Variants in MYT1L observed in about 807,000 individuals in gnomAD.
The protein encoded by MYT1L is myelin transcription factor 1-like protein.
In MYT1L, 12 loss-of-function variants were observed where a neutral mutation model predicts 126.7. That is an observed-to-expected ratio of 0.09 (90% confidence interval 0.06 to 0.15). The LOEUF (loss-of-function observed/expected upper bound fraction) is 0.15. Among genes scored for constraint, MYT1L ranks in the 10% least tolerant of loss-of-function variants. The pLI is 1.00. For missense variants in MYT1L, 979 were observed against 1,585.2 expected (o/e 0.62, Z 6.49); for synonymous variants, 541 against 604.2 (o/e 0.90, Z 1.53).
chr2:2,017,799 G>C (rs2064590399), intron 4 of MYT1L, among the ~76,000 whole-genome samples: 1 of 152,072 alleles, frequency 6.6e-6, no homozygotes, highest in Non-Finnish European at 1.5e-5. Flanking sequence ...TGTGTTCACT[G>C]TCTTCCTGTA....
In MYT1L at chr2:1,979,255, G is replaced by A. The variant is rs2060414157; in HGVS notation, c.90-28C>T. 2.5e-6 allele frequency: 4 copies of A among 1,604,612 alleles called. No individual in the cohort carries two copies. Among genetic ancestry groups the A allele is most frequent in the Non-Finnish European group, 2.6e-6 (3 of 1,172,316 alleles). ...GCAACAGGAAAGAATGGATTACACGGTGCCGCAGGCAGGCAGGTGAGACGG... is the reference window on the plus strand; with the variant it reads ...GCAACAGGAAAGAATGGATTACACGATGCCGCAGGCAGGCAGGTGAGACGG... On this transcript the variant is annotated intron_variant, in intron 7 of 24. Transcript: ENST00000647738. This position sits in a 1 kb window ranked among gnomAD's most constrained non-coding sequence, Gnocchi z 4.0.
chr2:2,033,767 T>C (rs1258731024), intron 4 of MYT1L, among the ~76,000 whole-genome samples: 2 of 152,138 alleles, frequency 1.3e-5, no homozygotes, highest in Non-Finnish European at 2.9e-5. Flanking sequence ...TTCAGACATG[T>C]TTGAAGGACA....
chr2:2,011,947 C>T (rs1319747659), intron 4 of MYT1L, among the ~76,000 whole-genome samples: 1 of 152,178 alleles, frequency 6.6e-6, no homozygotes, highest in African/African-American at 2.4e-5. Flanking sequence ...GGTGCTAGAC[C>T]ACCAAGGGAA....
In MYT1L at chr2:1,972,041, AC is replaced by A. The variant is rs1203960459; in HGVS notation, c.152+7123del. ...ACAAGGACGGGCGTGCATAAAGCTT[AC>A]GGGGAGGGTGTGGGGGTGAGGCGTA... On this transcript the variant is annotated intron_variant, in intron 8 of 24. Coordinates refer to ENST00000647738, the MANE Select transcript of MYT1L (RefSeq NM_001303052.2). Among the ~76,000 whole-genome samples the A allele has an allele frequency of 3.3e-5, 5 of 152,270 alleles. No individual in the cohort carries two copies. The East Asian group carries it at 9.7e-4, about 29-fold the overall frequency.
chr2:2,025,297 GAACA>G (rs575659532), intron 4 of MYT1L, among the ~76,000 whole-genome samples: 86 of 152,240 alleles, frequency 5.6e-4, no homozygotes, highest in African/African-American at 1.9e-3. Flanking sequence ...GTGAGTCCCT[GAACA>G]AACAGTTACA....
chr2:2,299,306 TC>T (rs1470465005), intron 1 of MYT1L, among the ~76,000 whole-genome samples: 1 of 152,206 alleles, frequency 6.6e-6, no homozygotes, highest in Non-Finnish European at 1.5e-5. Context: ...TGTGCCATGA[TC>T]TCCTCCTGGT....
rs2094735700 is a variant in MYT1L at position 2,253,994 on chromosome 2, T to C, written c.-421+30410A>G. Reference sequence around the variant, plus strand: ...AAATATACATAAAGACACACATATATGCACCCCCAGCACACTATGTATAAA... The same window carrying C: ...AAATATACATAAAGACACACATATACGCACCCCCAGCACACTATGTATAAA... On this transcript the variant is annotated intron_variant, in intron 2 of 24. Coordinates refer to ENST00000647738, the MANE Select transcript of MYT1L (RefSeq NM_001303052.2). Among the ~76,000 whole-genome samples the C allele has an allele frequency of 3.9e-5, 6 of 152,256 alleles. No individual in the cohort carries two copies. In the South Asian group the frequency reaches 1.2e-3, roughly 32 times the overall value.
intron 3 of MYT1L, among the ~76,000 whole-genome samples, chr2:2,094,352 A>G (rs1383161884): frequency 6.6e-6 from 1 of 152,236 alleles, no homozygotes; most frequent in Non-Finnish European, 1.5e-5. Flanking sequence ...ATTGTGGAAG[A>G]CAGTGTGGCA....
chr2:2,202,413 G>C (rs1223112377), intron 2 of MYT1L, among the ~76,000 whole-genome samples: 4 of 152,098 alleles, frequency 2.6e-5, no homozygotes, highest in African/African-American at 9.7e-5. Flanking sequence ...GAACCAAATA[G>C]ATGCAATAGA....
intron 3 of MYT1L, among the ~76,000 whole-genome samples, chr2:2,106,412 G>T (rs1476992417): frequency 6.6e-6 from 1 of 152,140 alleles, no homozygotes; most frequent in Non-Finnish European, 1.5e-5. Flanking sequence ...GAGGTCAGGA[G>T]TTCAAGATCA....
intron 19 of MYT1L, among the ~76,000 whole-genome samples, chr2:1,847,070 G>T (rs960452988): frequency 5.9e-5 from 9 of 152,208 alleles, no homozygotes; most frequent in African/African-American, 2.2e-4. Flanking sequence ...GACACTGTCT[G>T]GCCGTTTGAC....
At chr2:2,143,486 A>C (rs1179294936) in intron 3 of MYT1L, among the ~76,000 whole-genome samples, 1 of 152,094 alleles carries the variant, frequency 6.6e-6, no homozygotes, top group Non-Finnish European at 1.5e-5. Context: ...TTGGAAGCCA[A>C]CGTTTATCTT....
rs147173563 is a variant in MYT1L at position 1,892,847 on chromosome 2, G to A, written c.2033-560C>T. On this transcript the variant is annotated intron_variant, in intron 14 of 24. Transcript: ENST00000647738. ...CACCTTCTGGGCCTGTGGGGACCAC[G>A]TGCTTTGGGAGGTGGATTTCTGGCT... Among the ~76,000 whole-genome samples the A allele has an allele frequency of 3.0e-3, 462 of 152,368 alleles. 3 individuals carry two copies. The highest frequency in any genetic ancestry group is 5.6e-3 in the Non-Finnish European group (381 of 68,038).
intron 2 of MYT1L, among the ~76,000 whole-genome samples, chr2:2,251,367 T>A (rs368274677): frequency 6.6e-6 from 1 of 152,184 alleles, no homozygotes; most frequent in East Asian, 1.9e-4. Context: ...CTCCTGCCCT[T>A]GCAAGTGGTA....
chr2:1,914,655 C>T (rs1212383191), intron 11 of MYT1L, among the ~76,000 whole-genome samples: 1 of 152,214 alleles, frequency 6.6e-6, no homozygotes, highest in African/African-American at 2.4e-5. Flanking sequence ...CCAAATGTGG[C>T]CCTGCTGCTC....
chr2:2,004,702 T>TGTGCCTTTCCTGC (rs1342261967), intron 4 of MYT1L, among the ~76,000 whole-genome samples: 2 of 116,246 alleles, frequency 1.7e-5, no homozygotes, highest in Non-Finnish European at 3.5e-5. Flanking sequence ...TTCTTTCCTG[T>TGTGCCTTTCCTGC]GTGCCTTTCC....
chr2:1,956,392 T>TTCTGTCTG lies in MYT1L; in HGVS notation c.153-13059_153-13058insCAGACAGA, dbSNP rs1328395072. Among the ~76,000 whole-genome samples the TTCTGTCTG allele has an allele frequency of 2.2e-4, 18 of 80,654 alleles. 1 individual carries two copies. The highest frequency in any genetic ancestry group is 1.9e-3 in the Admixed American group (16 of 8,338). 52.9% of individuals were successfully genotyped at this position (80,654 alleles called of 152,430 possible). On this transcript the variant is annotated intron_variant, in intron 8 of 24. Coordinates refer to ENST00000647738, the MANE Select transcript of MYT1L (RefSeq NM_001303052.2). ...TATCCTATTCTATATTTCCTATTCTTTCTATCTGTCTGTCTATCTATCTAT... is the reference window on the plus strand; with the variant it reads ...TATCCTATTCTATATTTCCTATTCTTTCTGTCTGTCTATCTGTCTGTCTATCTATCTAT...
In MYT1L at chr2:1,917,083, G is replaced by C. The variant is rs914455281; in HGVS notation, c.1618+122C>G. 22 of 1,252,658 alleles carry C rather than the reference G, an allele frequency of 1.8e-5. No individual in the cohort carries two copies. Among genetic ancestry groups the C allele is most frequent in the Admixed American group, 6.8e-5 (3 of 44,264 alleles). The allele number at this position is 1,252,658 out of a possible 1,614,324, so 77.6% of individuals were successfully genotyped here. ...ATCAGTTGCCCATCAAGTTAAGTAGGGGCCTAGTTAAATCAGGTCGCACCG... is the reference window on the plus strand; with the variant it reads ...ATCAGTTGCCCATCAAGTTAAGTAGCGGCCTAGTTAAATCAGGTCGCACCG... On this transcript the variant is annotated intron_variant, in intron 11 of 24. Transcript: ENST00000647738. The surrounding 1 kb of genome is among the most constrained non-coding windows in gnomAD (Gnocchi z 5.9).
At chr2:2,311,593 C>G (rs897829245) in intron 1 of MYT1L, among the ~76,000 whole-genome samples, 1 of 152,152 alleles carries the variant, frequency 6.6e-6, no homozygotes, top group African/African-American at 2.4e-5. Flanking sequence ...TTCAGGTTGG[C>G]CTCCGTGTGA....
Sources: allele counts gnomAD v4.1 joint callset (sites outside exome capture counted in the v4.1 genomes callset), GRCh38; gene constraint gnomAD v4.1.1; non-coding constraint Gnocchi (gnomAD v3.1); transcripts MANE v1.5; gene names NCBI Gene and HGNC (gene_info 2026-07-23, HGNC 2026-07-21).